The following EFCAB6 variants were observed in gnomAD, a reference collection of about 807,000 sequenced individuals.
The protein encoded by EFCAB6 is EF-hand calcium-binding domain-containing protein 6.
EFCAB6 carries 156 observed loss-of-function variants against 169.8 expected under a neutral mutation model. The ratio of observed to expected loss-of-function variants is 0.92; its 90% CI spans 0.81 to 1.05. The LOEUF is 1.05. Among genes scored for constraint, EFCAB6 ranks in the 50% least tolerant of loss-of-function variants. The pLI is 0.00. For missense variants in EFCAB6, 1,800 were observed against 1,829.1 expected (o/e 0.98, Z 0.29); for synonymous variants, 698 against 676.4 (o/e 1.03, Z -0.50).
chr22:43,548,582 T>C (rs1289720004), intron 27 of EFCAB6, among the ~76,000 whole-genome samples: 4 of 126,730 alleles, frequency 3.2e-5, no homozygotes, highest in East Asian at 2.3e-4. Context: ...GTCAACTCAG[T>C]AGGAGGCTAT....
At chr22:43,693,446 C>T (rs948359636) in intron 10 of EFCAB6, among the ~76,000 whole-genome samples, 1 of 150,206 alleles carries the variant, frequency 6.7e-6, no homozygotes, top group African/African-American at 2.5e-5. Context: ...CTTGCAAGGT[C>T]ATCAAAAAAC....
chr22:43,571,328 C>T (rs548654473), intron 26 of EFCAB6, among the ~76,000 whole-genome samples: 5 of 152,280 alleles, frequency 3.3e-5, no homozygotes, highest in Middle Eastern at 3.4e-3. Flanking sequence ...GGATTACTCA[C>T]GGTGAACTTG....
intron 29 of EFCAB6, chr22:43,535,432 T>A (rs1428672424): frequency 6.6e-6 from 1 of 152,362 alleles, no homozygotes; most frequent in Non-Finnish European, 1.5e-5. Flanking sequence ...CTTTAGGAGA[T>A]AACAGCTGTG....
At chr22:43,659,183 T>A (rs902911269) in intron 17 of EFCAB6, among the ~76,000 whole-genome samples, 1 of 152,252 alleles carries the variant, frequency 6.6e-6, no homozygotes, top group Non-Finnish European at 1.5e-5. Flanking sequence ...TATCTGTGAC[T>A]CTTACTGTTT....
At chr22:43,749,000 A>G (rs1286016658) in intron 6 of EFCAB6, among the ~76,000 whole-genome samples, 1 of 152,212 alleles carries the variant, frequency 6.6e-6, no homozygotes, top group Non-Finnish European at 1.5e-5. Flanking sequence ...CGGGAAACCC[A>G]GCTAAGGAGT....
chr22:43,561,492 G>A (rs969413923), intron 26 of EFCAB6, among the ~76,000 whole-genome samples: 1 of 152,022 alleles, frequency 6.6e-6, no homozygotes, highest in Non-Finnish European at 1.5e-5. Context: ...AGGAACCACC[G>A]ACCTGGGGTC....
rs766073795 is a variant in EFCAB6 at position 43,672,348 on chromosome 22, A to T, written c.1420-43T>A. The T allele has an allele frequency of 3.1e-6, 5 of 1,604,340 alleles. No individual in the cohort carries two copies. In the South Asian group the frequency reaches 5.6e-5, roughly 18 times the overall value. On this transcript the variant is annotated intron_variant, in intron 13 of 31. Coordinates refer to ENST00000262726, the MANE Select transcript of EFCAB6 (RefSeq NM_022785.4). ...AGTATATAAATAAATACCACTCATGAAAGTCATTAGGAGCTTTGGAGGCAG... is the reference window on the plus strand; with the variant it reads ...AGTATATAAATAAATACCACTCATGTAAGTCATTAGGAGCTTTGGAGGCAG...
intron 24 of EFCAB6, among the ~76,000 whole-genome samples, chr22:43,581,579 G>A (rs1244004773): frequency 1.3e-5 from 2 of 152,226 alleles, no homozygotes; most frequent in Non-Finnish European, 2.9e-5. Flanking sequence ...TGCATTCAAA[G>A]TTCACATTTC....
intron 10 of EFCAB6, among the ~76,000 whole-genome samples, chr22:43,695,186 A>G (rs769168544): frequency 6.6e-6 from 1 of 152,056 alleles, no homozygotes; most frequent in Non-Finnish European, 1.5e-5. Flanking sequence ...TACAAACATC[A>G]ATTGTATTTC....
intron 26 of EFCAB6, among the ~76,000 whole-genome samples, chr22:43,575,033 A>G (rs1179616585): frequency 1.3e-5 from 2 of 152,200 alleles, no homozygotes; most frequent in East Asian, 1.9e-4. Context: ...GTGTGCACAC[A>G]AGGAGACAAG....
intron 19 of EFCAB6, among the ~76,000 whole-genome samples, chr22:43,629,727 G>T (rs753015958): frequency 2.0e-5 from 3 of 152,114 alleles, no homozygotes; most frequent in Non-Finnish European, 4.4e-5. Context: ...GAGTCCACTG[G>T]TCAAAGGGGA....
intron 17 of EFCAB6, among the ~76,000 whole-genome samples, chr22:43,663,192 C>T (rs86607): frequency 0.55 from 84,034 of 152,048 alleles, 23,535 homozygotes; most frequent in East Asian, 0.77. Context: ...TAATTACTAT[C>T]GCTGTTATTG....
At chr22:43,676,931 T>C (rs2147045020) in intron 13 of EFCAB6, among the ~76,000 whole-genome samples, 1 of 152,292 alleles carries the variant, frequency 6.6e-6, no homozygotes, top group South Asian at 2.1e-4. Flanking sequence ...GGCACCCCAT[T>C]CAGATCCATT....
rs184654404 is a variant in EFCAB6, at chr22:43,687,377, A to G, written c.1142+94T>C. The G allele has an allele frequency of 3.7e-4, 287 of 769,888 alleles. 1 individual carries two copies. In the African/African-American group the frequency reaches 4.4e-3, roughly 12 times the overall value. 47.7% of individuals were successfully genotyped at this position (769,888 alleles called of 1,614,324 possible). On this transcript the variant is annotated intron_variant, in intron 11 of 31. Transcript: ENST00000262726. Reference sequence around the variant, plus strand: ...TCAATGGAGACTAATCGATCATTCAATAAATGCAGAAAAAGTAGCACAGAT... The same window carrying G: ...TCAATGGAGACTAATCGATCATTCAGTAAATGCAGAAAAAGTAGCACAGAT...
chr22:43,785,454 T>C (rs185514119), intron 2 of EFCAB6, among the ~76,000 whole-genome samples: 2 of 152,040 alleles, frequency 1.3e-5, no homozygotes, highest in Non-Finnish European at 2.9e-5. Context: ...CCAAATAGTT[T>C]TAGATGGATG....
chr22:43,799,074 G>A (rs5764307), intron 2 of EFCAB6, among the ~76,000 whole-genome samples: 12,120 of 151,980 alleles, frequency 0.08, 650 homozygotes, highest in South Asian at 0.2. Context: ...TTTAACCCCA[G>A]CACTTTGGGA....
At chr22:43,635,807 T>C (rs117133064) in intron 17 of EFCAB6, among the ~76,000 whole-genome samples, 12 of 152,258 alleles carry the variant, frequency 7.9e-5, no homozygotes, top group Non-Finnish European at 1.2e-4. Context: ...TTTGGGTATG[T>C]TGGGGGCAGA....
At chr22:43,632,582 G>C (rs1357238856) in intron 18 of EFCAB6, among the ~76,000 whole-genome samples, 1 of 152,208 alleles carries the variant, frequency 6.6e-6, no homozygotes, top group African/African-American at 2.4e-5. Context: ...TTATAGGCGT[G>C]AGCCACCACA....
At chr22:43,561,442 C>T (rs1324434218) in intron 26 of EFCAB6, among the ~76,000 whole-genome samples, 2 of 152,082 alleles carry the variant, frequency 1.3e-5, no homozygotes, top group Non-Finnish European at 2.9e-5. Context: ...AAAACCCCGC[C>T]CCCCTCAGCC....
Sources: gnomAD v4.1 joint callset for allele counts (sites outside exome capture counted in the v4.1 genomes callset) on GRCh38, gnomAD v4.1.1 for gene constraint, MANE v1.5 for transcripts, NCBI Gene and HGNC (gene_info 2026-07-23, HGNC 2026-07-21) for gene names.